The following RNF144B variants were observed in gnomAD, a reference collection of about 807,000 sequenced individuals.
RNF144B encodes the protein ring finger protein 144B, also known as E3 ubiquitin-protein ligase RNF144B.
RNF144B carries 25 observed loss-of-function variants against 40.2 expected under a neutral mutation model. The ratio of observed to expected loss-of-function variants is 0.62; its 90% CI spans 0.45 to 0.87. RNF144B has a LOEUF of 0.87. Ranked by LOEUF, RNF144B falls within the 40% of genes least tolerant of loss-of-function variation. RNF144B has a pLI of 0.00. For synonymous variants in RNF144B, 145 were observed against 136.3 expected (o/e 1.06, Z -0.44); for missense variants, 365 against 373.7 (o/e 0.98, Z 0.19).
In RNF144B at chr6:18,424,038, G is replaced by T. The variant is rs73377609; in HGVS notation, c.166-3543G>T. On this transcript the variant is annotated intron_variant, in intron 2 of 7. Transcript: ENST00000259939. Reference sequence around the variant, plus strand: ...TTGTTAATAGTGATTATTTTATTTTGCCATTGTTGCATTGCTATAATTTGT... The same window carrying T: ...TTGTTAATAGTGATTATTTTATTTTTCCATTGTTGCATTGCTATAATTTGT... Among the ~76,000 whole-genome samples the T allele has an allele frequency of 4.7e-3, 722 of 152,186 alleles. 9 individuals are homozygous for T. Among genetic ancestry groups the T allele is most frequent in the African/African-American group, 0.016 (676 of 41,526 alleles).
At position 18,434,646 on chromosome 6, in the gene RNF144B, G is replaced by A. The variant is rs1758776210; in HGVS notation, c.271-5038G>A. Among the ~76,000 whole-genome samples the A allele has an allele frequency of 6.6e-6, 1 of 152,218 alleles. No individual in the cohort carries two copies. The highest frequency in any genetic ancestry group is 2.4e-5 in the African/African-American group (1 of 41,548). ...TTTTGTTTGTTTGTTTTTTTAGACA[G>A]AGTCTTGCTCTGTCGCCCAGGCTGG... On this transcript the variant is annotated intron_variant, in intron 3 of 7. Coordinates refer to ENST00000259939, the MANE Select transcript of RNF144B (RefSeq NM_182757.4). This position sits in a 1 kb window ranked among gnomAD's most constrained non-coding sequence, Gnocchi z 4.1.
At chr6:18,415,125 G>T (rs1795124976) in intron 2 of RNF144B, among the ~76,000 whole-genome samples, 1 of 151,978 alleles carries the variant, frequency 6.6e-6, no homozygotes, top group South Asian at 2.1e-4. Context: ...TGTATTTTTT[G>T]TGTATTTCTT....
intron 2 of RNF144B, among the ~76,000 whole-genome samples, chr6:18,413,008 A>G (rs1402126557): frequency 3.9e-5 from 6 of 152,232 alleles, no homozygotes; most frequent in Non-Finnish European, 8.8e-5. Context: ...AGTACCTTTC[A>G]TATAATATGT....
chr6:18,448,400 A>G lies in RNF144B; in HGVS notation c.331+8656A>G, dbSNP rs571889347. 7.2e-5 allele frequency among the ~76,000 whole-genome samples: 11 copies of G among 152,198 alleles called. No homozygotes were observed. The highest frequency in any genetic ancestry group is 6.2e-4 in the South Asian group (3 of 4,820). ...GATTGGTCTGCATGGGTTCTCTTCT[A>G]GTTGCTTGCTTCCTAGGTGCAATAA... On this transcript the variant is annotated intron_variant, in intron 4 of 7. Coordinates refer to ENST00000259939, the MANE Select transcript of RNF144B (RefSeq NM_182757.4). This position sits in a 1 kb window ranked among gnomAD's most constrained non-coding sequence, Gnocchi z 4.0.
chr6:18,422,526 G>A lies in RNF144B; in HGVS notation c.166-5055G>A, dbSNP rs1305197039. ...CCCCTCATCACCTTCCTTCCCACTT[G>A]GCTGAGCTATGGATGAGAAAACCTA... is the stretch of plus-strand genomic sequence containing the variant. On this transcript the variant is annotated intron_variant, in intron 2 of 7. Transcript: ENST00000259939. This position sits in a 1 kb window ranked among gnomAD's most constrained non-coding sequence, Gnocchi z 4.7. Among the ~76,000 whole-genome samples, 1 of 152,080 alleles carries A rather than the reference G, an allele frequency of 6.6e-6. No individual in the cohort carries two copies. Among genetic ancestry groups the A allele is most frequent in the African/African-American group, 2.4e-5 (1 of 41,410 alleles).
At chr6:18,451,888 G>T (rs140735070) in intron 4 of RNF144B, among the ~76,000 whole-genome samples, 3 of 152,180 alleles carry the variant, frequency 2.0e-5, no homozygotes, top group African/African-American at 7.2e-5. Flanking sequence ...CATAAAGGAG[G>T]TTTAATGTTT....
chr6:18,455,859 T>C (rs546782478), intron 4 of RNF144B, among the ~76,000 whole-genome samples: 44 of 152,266 alleles, frequency 2.9e-4, no homozygotes, highest in African/African-American at 1.0e-3. Context: ...TCTGTGAAAG[T>C]CTCTCTGCCT....
chr6:18,451,256 A>C (rs1423728621), intron 4 of RNF144B, among the ~76,000 whole-genome samples: 1 of 152,122 alleles, frequency 6.6e-6, no homozygotes, highest in African/African-American at 2.4e-5. Flanking sequence ...TTTCATCTCC[A>C]TGTGCCCAGG....
Position 18,468,811 on chromosome 6 carries a change from A to G in RNF144B, c.*3744A>G, listed in dbSNP as rs902072831. On this transcript the variant is annotated 3_prime_UTR_variant, in exon 8 of 8. Coordinates refer to ENST00000259939, the MANE Select transcript of RNF144B (RefSeq NM_182757.4). ...ATTGCTATCGTGTTATATTTTTCCA[A>G]TTTTTGGAGAAGAAAATAGCTGTTT... 1.3e-5 allele frequency: 2 copies of G among 152,202 alleles called. No individual in the cohort carries two copies. The highest frequency in any genetic ancestry group is 1.5e-5 in the Non-Finnish European group (1 of 68,032). 9.4% of individuals were successfully genotyped at this position (152,202 alleles called of 1,614,324 possible).
intron 4 of RNF144B, among the ~76,000 whole-genome samples, chr6:18,451,216 G>A (rs1759202728): frequency 6.6e-6 from 1 of 151,814 alleles, no homozygotes; most frequent in Admixed American, 6.6e-5. Context: ...TTTTCATACT[G>A]TGAAGCTTCT....
intron 1 of RNF144B, among the ~76,000 whole-genome samples, chr6:18,391,288 A>G (rs767863800): frequency 6.6e-6 from 1 of 152,160 alleles, no homozygotes; most frequent in Non-Finnish European, 1.5e-5. Flanking sequence ...TATGCCAGGC[A>G]TAGGGAAGAA....
intron 3 of RNF144B, among the ~76,000 whole-genome samples, chr6:18,429,864 A>G (rs1317593028): frequency 6.6e-6 from 1 of 152,112 alleles, no homozygotes; most frequent in East Asian, 1.9e-4. Flanking sequence ...GCTGGGCTGG[A>G]GAGGAGAATA....
chr6:18,417,729 T>C (rs1290287751), intron 2 of RNF144B, among the ~76,000 whole-genome samples: 2 of 152,146 alleles, frequency 1.3e-5, no homozygotes, highest in African/African-American at 4.8e-5. Context: ...AAAAAGCAGA[T>C]AAATTGGACT....
intron 2 of RNF144B, among the ~76,000 whole-genome samples, chr6:18,403,478 C>A (rs1422693351): frequency 6.6e-6 from 1 of 152,178 alleles, no homozygotes; most frequent in Non-Finnish European, 1.5e-5. Context: ...CAGCCATATT[C>A]TTGCCTTTTT....
At chr6:18,463,530 G>A in intron 7 of RNF144B, 150 bp downstream of exon 7, 1 of 602,254 alleles carries the variant, frequency 1.7e-6, no homozygotes, top group East Asian at 2.8e-5. Flanking sequence ...CTAGGGAAAA[G>A]TAATGGGGTA....
Position 18,441,102 on chromosome 6 carries a change from C to G in RNF144B, c.331+1358C>G, listed in dbSNP as rs186726719. ...ATGATGGGGGTAGTTAATATTGACT[C>G]TCTCTAATCCATCCACATGGGCCGA... On this transcript the variant is annotated intron_variant, in intron 4 of 7. Coordinates refer to ENST00000259939, the MANE Select transcript of RNF144B (RefSeq NM_182757.4). The surrounding 1 kb of genome is among the most constrained non-coding windows in gnomAD (Gnocchi z 4.9). 6.6e-6 allele frequency among the ~76,000 whole-genome samples: 1 copy of G among 152,236 alleles called. No individual in the cohort carries two copies. The highest frequency in any genetic ancestry group is 1.9e-4 in the East Asian group (1 of 5,178).
At chr6:18,396,076 A>C (rs1369744708) in intron 1 of RNF144B, among the ~76,000 whole-genome samples, 1 of 152,172 alleles carries the variant, frequency 6.6e-6, no homozygotes, top group Non-Finnish European at 1.5e-5. Flanking sequence ...TTTTTCTATT[A>C]TAAAAATTAC....
intron 3 of RNF144B, among the ~76,000 whole-genome samples, chr6:18,433,079 G>C (rs1369688436): frequency 1.3e-5 from 2 of 152,170 alleles, no homozygotes; most frequent in Non-Finnish European, 2.9e-5. Context: ...GGGAAAGTTG[G>C]CTACAGTGAT....
Position 18,444,881 on chromosome 6 carries a change from T to A in RNF144B, c.331+5137T>A, listed in dbSNP as rs1343867022. ...TCCTCAAGCCTCCTTTCATTTCATG[T>A]CTTCACATTTATGATATTACTCTAG... is the stretch of plus-strand genomic sequence containing the variant. On this transcript the variant is annotated intron_variant, in intron 4 of 7. Coordinates refer to ENST00000259939, the MANE Select transcript of RNF144B (RefSeq NM_182757.4). This position sits in a 1 kb window ranked among gnomAD's most constrained non-coding sequence, Gnocchi z 4.3. Among the ~76,000 whole-genome samples, 1 of 152,230 alleles carries A rather than the reference T, an allele frequency of 6.6e-6. No homozygotes were observed. Among genetic ancestry groups the A allele is most frequent in the African/African-American group, 2.4e-5 (1 of 41,474 alleles).
Sources: allele counts gnomAD v4.1 joint callset (sites outside exome capture counted in the v4.1 genomes callset), GRCh38; gene constraint gnomAD v4.1.1; non-coding constraint Gnocchi (gnomAD v3.1); transcripts MANE v1.5; gene names NCBI Gene and HGNC (gene_info 2026-07-23, HGNC 2026-07-21).